AK8: variants seen among roughly 807,000 people sequenced by gnomAD.
AK8 encodes adenylate kinase 8.
A neutral mutation model predicts 54.6 loss-of-function variants in AK8; 44 were observed. The observed-to-expected ratio is 0.81, with a 90% CI of 0.63 to 1.04. The LOEUF is 1.04. AK8 is among the 50% of genes least tolerant of loss of function. The probability of loss-of-function intolerance (pLI) is 0.00; values close to 1 mark genes in which losing one functional copy is unlikely to be tolerated. For missense variants in AK8, 555 were observed against 613.6 expected, an observed-to-expected ratio of 0.90 and a Z score of 1.01; for synonymous variants, 239 against 245.6, an observed-to-expected ratio of 0.97 and a Z score of 0.25.
chr9:132,774,817 C>T (rs573482643), intron 11 of AK8, among the ~76,000 whole-genome samples: 13 of 152,200 alleles, frequency 8.5e-5, no homozygotes, highest in South Asian at 2.1e-4. Flanking sequence ...ATTTCCATGG[C>T]GGGGAAGGCA....
intron 11 of AK8, among the ~76,000 whole-genome samples, chr9:132,761,254 C>A: frequency 7.3e-6 from 1 of 137,686 alleles, no homozygotes; most frequent in South Asian, 2.2e-4. Context: ...TTTCTTTTTT[C>A]TTTTCTTTTC....
chr9:132,861,092 T>C (rs1395145829), intron 4 of AK8, among the ~76,000 whole-genome samples: 1 of 152,180 alleles, frequency 6.6e-6, no homozygotes, highest in Non-Finnish European at 1.5e-5. Context: ...GATATTTTTA[T>C]GAGATTTCAC....
chr9:132,727,360 T>G, intron 12 of AK8, 94 bp downstream of exon 12: 1 of 1,168,652 alleles, frequency 8.6e-7, no homozygotes, highest in Non-Finnish European at 1.3e-6. Context: ...ACCAGTGTTA[T>G]CCCTGCAGTG....
chr9:132,754,650 A>C (rs1838102214), intron 11 of AK8, among the ~76,000 whole-genome samples: 1 of 152,244 alleles, frequency 6.6e-6, no homozygotes, highest in Non-Finnish European at 1.5e-5. Flanking sequence ...AGGACAGTTG[A>C]GCCAAGGGCA....
chr9:132,844,922 CTG>C (rs1218125817), intron 5 of AK8, among the ~76,000 whole-genome samples: 1 of 152,220 alleles, frequency 6.6e-6, no homozygotes, highest in Non-Finnish European at 1.5e-5. Context: ...TAGTACAACA[CTG>C]TGTTTGCATC....
intron 10 of AK8, among the ~76,000 whole-genome samples, chr9:132,796,014 G>C (rs1177117872): frequency 2.0e-5 from 3 of 152,206 alleles, no homozygotes; most frequent in African/African-American, 7.2e-5. Flanking sequence ...TAGGTGGTCT[G>C]ACCTTTGGAG....
intron 11 of AK8, among the ~76,000 whole-genome samples, chr9:132,756,485 G>C (rs1838195301): frequency 6.6e-6 from 1 of 152,182 alleles, no homozygotes; most frequent in African/African-American, 2.4e-5. Flanking sequence ...AAAATTCACT[G>C]TTCATGGTAA....
chr9:132,777,834 A>G (rs1490229449), intron 11 of AK8, among the ~76,000 whole-genome samples: 2 of 152,244 alleles, frequency 1.3e-5, no homozygotes, highest in Non-Finnish European at 2.9e-5. Flanking sequence ...AGAAGAGCCC[A>G]GAAAAGGCAA....
intron 11 of AK8, among the ~76,000 whole-genome samples, chr9:132,786,755 A>C (rs1282631855): frequency 6.6e-6 from 1 of 152,194 alleles, no homozygotes; most frequent in Non-Finnish European, 1.5e-5. Flanking sequence ...TTCAACATCT[A>C]AGGGTAAAAA....
intron 10 of AK8, among the ~76,000 whole-genome samples, chr9:132,813,721 T>G (rs1489265525): frequency 6.6e-6 from 1 of 152,164 alleles, no homozygotes; most frequent in Admixed American, 6.5e-5. Flanking sequence ...GGCTCCTTCG[T>G]GGACTCAGGA....
chr9:132,813,540 G>A (rs913432001), intron 10 of AK8, among the ~76,000 whole-genome samples: 3 of 152,248 alleles, frequency 2.0e-5, no homozygotes, highest in African/African-American at 7.2e-5. Flanking sequence ...CAACAGACTT[G>A]ATAAGTGGGT....
intron 1 of AK8, among the ~76,000 whole-genome samples, chr9:132,876,059 C>G (rs376956894): frequency 1.9e-4 from 29 of 152,248 alleles, no homozygotes; most frequent in African/African-American, 6.7e-4. Context: ...ATCCTTGAGC[C>G]CCAGGGACAA....
intron 11 of AK8, among the ~76,000 whole-genome samples, chr9:132,739,880 G>A (rs191112332): frequency 1.5e-4 from 23 of 152,370 alleles, no homozygotes; most frequent in Non-Finnish European, 2.4e-4. Context: ...GATTGGGGGC[G>A]GGGGTGTTAT....
intron 10 of AK8, among the ~76,000 whole-genome samples, chr9:132,809,469 C>T (rs1029318773): frequency 6.6e-6 from 1 of 152,198 alleles, no homozygotes; most frequent in Non-Finnish European, 1.5e-5. Flanking sequence ...CTCCCGCTGG[C>T]AGGCACTGGC....
At chr9:132,796,761 C>G (rs1840188225) in intron 10 of AK8, among the ~76,000 whole-genome samples, 1 of 147,544 alleles carries the variant, frequency 6.8e-6, no homozygotes. Context: ...TATACACATA[C>G]ATACATGCTA....
chr9:132,759,804 C>A (rs1029463466), intron 11 of AK8, among the ~76,000 whole-genome samples: 14 of 152,180 alleles, frequency 9.2e-5, no homozygotes, highest in Non-Finnish European at 2.1e-4. Context: ...GTGCTAACAC[C>A]TCAATGTCCT....
chr9:132,818,043 C>T (rs1012505976), intron 9 of AK8, among the ~76,000 whole-genome samples: 8 of 152,118 alleles, frequency 5.3e-5, no homozygotes, highest in African/African-American at 1.4e-4. Context: ...AAGTGCAAGC[C>T]GGAAGACAAT....
upstream of AK8, chr9:132,878,315 G>C: frequency 1.5e-6 from 2 of 1,318,970 alleles, no homozygotes; most frequent in Non-Finnish European, 9.7e-7. This position sits in a 1 kb window ranked among gnomAD's most constrained non-coding sequence, Gnocchi z 4.7. Context: ...CGCGCCGACT[G>C]CGTCATCAGC....
intron 11 of AK8, among the ~76,000 whole-genome samples, chr9:132,775,037 A>C (rs1395567067): frequency 1.3e-5 from 2 of 152,206 alleles, no homozygotes; most frequent in Non-Finnish European, 2.9e-5. Context: ...GAAGGTTCTC[A>C]GACACTACAG....
Sources: allele counts gnomAD v4.1 joint callset (sites outside exome capture counted in the v4.1 genomes callset), GRCh38; gene constraint gnomAD v4.1.1; non-coding constraint Gnocchi (gnomAD v3.1); transcripts MANE v1.5; gene names NCBI Gene and HGNC (gene_info 2026-07-23, HGNC 2026-07-21).